TRIO: variants seen among roughly 807,000 people sequenced by gnomAD.
The protein encoded by TRIO is triple functional domain protein.
TRIO carries 58 observed loss-of-function variants against 351.9 expected under a neutral mutation model. The observed-to-expected ratio is 0.16, with a 90% CI of 0.13 to 0.21. The LOEUF is 0.21. Ranked by LOEUF, TRIO falls within the 10% of genes least tolerant of loss-of-function variation. The pLI is 1.00. For missense variants in TRIO, 3,201 were observed against 4,027.8 expected, an observed-to-expected ratio of 0.79 and a Z score of 5.56; for synonymous variants, 1,758 against 1,595.7, an observed-to-expected ratio of 1.10 and a Z score of -2.42.
intron 1 of TRIO, among the ~76,000 whole-genome samples, chr5:14,184,427 G>T (rs1489664969): frequency 6.6e-6 from 1 of 152,230 alleles, no homozygotes; most frequent in Admixed American, 6.5e-5. Flanking sequence ...AAGGCACTTG[G>T]CAATGTTATT....
chr5:14,493,450 A>G (rs977250050), intron 49 of TRIO, among the ~76,000 whole-genome samples: 7 of 152,132 alleles, frequency 4.6e-5, no homozygotes, highest in African/African-American at 1.7e-4. Context: ...TGTATTTGTT[A>G]CGGTGATATG....
chr5:14,345,537 C>A (rs1742342239), intron 11 of TRIO, among the ~76,000 whole-genome samples: 1 of 152,296 alleles, frequency 6.6e-6, no homozygotes, highest in African/African-American at 2.4e-5. Context: ...CCTTAAAATG[C>A]CCAATTGGAA....
chr5:14,413,444 A>G (rs1042178399), intron 33 of TRIO, among the ~76,000 whole-genome samples: 2 of 152,208 alleles, frequency 1.3e-5, no homozygotes, highest in African/African-American at 4.8e-5. Flanking sequence ...TGCCATCCCT[A>G]TGATAGGCAT....
intron 18 of TRIO, among the ~76,000 whole-genome samples, chr5:14,370,599 G>A (rs553502580): frequency 1.3e-5 from 2 of 152,230 alleles, no homozygotes; most frequent in East Asian, 3.9e-4. Flanking sequence ...GTTTAGTCTG[G>A]GAGGATAAAT....
intron 34 of TRIO, among the ~76,000 whole-genome samples, chr5:14,442,249 G>A (rs983640274): frequency 6.6e-6 from 1 of 152,228 alleles, no homozygotes; most frequent in Admixed American, 6.5e-5. Flanking sequence ...CGTTATCCGC[G>A]TATATGCTTC....
chr5:14,382,938 T>G (rs772353500), intron 21 of TRIO, among the ~76,000 whole-genome samples: 1 of 151,942 alleles, frequency 6.6e-6, no homozygotes, highest in Non-Finnish European at 1.5e-5. Flanking sequence ...GATCCGTATT[T>G]AGGGGTGTGT....
intron 11 of TRIO, among the ~76,000 whole-genome samples, chr5:14,342,357 C>T (rs1394928257): frequency 2.0e-5 from 3 of 152,194 alleles, no homozygotes; most frequent in African/African-American, 4.8e-5. Context: ...GAGACTGCAT[C>T]GGGCATCTGG....
chr5:14,232,115 C>T (rs1793471521), intron 1 of TRIO, among the ~76,000 whole-genome samples: 1 of 152,092 alleles, frequency 6.6e-6, no homozygotes, highest in African/African-American at 2.4e-5. Flanking sequence ...ATTTTTAATG[C>T]TGGAGACTGA....
intron 10 of TRIO, among the ~76,000 whole-genome samples, chr5:14,335,834 G>A (rs949679707): frequency 1.3e-5 from 2 of 151,934 alleles, no homozygotes; most frequent in African/African-American, 2.4e-5. Context: ...GCATGGTAGC[G>A]CATGTCTGTG....
At chr5:14,209,717 A>C (rs922552010) in intron 1 of TRIO, among the ~76,000 whole-genome samples, 1 of 152,232 alleles carries the variant, frequency 6.6e-6, no homozygotes, top group Non-Finnish European at 1.5e-5. Flanking sequence ...TGTGCAGCAC[A>C]CTTTTTTTCT....
At chr5:14,304,388 ACCATGTT>A in intron 7 of TRIO, 66 bp from the exon 8 acceptor site, 1 of 1,498,882 alleles carries the variant, frequency 6.7e-7, no homozygotes, top group South Asian at 1.3e-5. Flanking sequence ...AATTTTCAAA[ACCATGTT>A]AAAAAATGTC....
At chr5:14,248,902 C>A (rs1426667130) in intron 1 of TRIO, among the ~76,000 whole-genome samples, 3 of 152,200 alleles carry the variant, frequency 2.0e-5, no homozygotes, top group Non-Finnish European at 4.4e-5. Context: ...GGGTTTGATT[C>A]CAAGCCTGGC....
rs1756565787 is a variant in TRIO at position 14,492,551 on chromosome 5, A to G, written c.7633-16A>G. 6.2e-7 allele frequency: 1 copy of G among 1,613,268 alleles called. No individual in the cohort carries two copies. The highest frequency in any genetic ancestry group is 8.5e-7 in the Non-Finnish European group (1 of 1,179,376). On this transcript the variant is annotated splice_polypyrimidine_tract_variant and intron_variant, in intron 48 of 56. Coordinates refer to ENST00000344204, the MANE Select transcript of TRIO (RefSeq NM_007118.4). Reference sequence around the variant, plus strand: ...TTCCTCCCTGCCTTTCTCTGTCTTCATCTGTCCCTCTGCAGAGTGAAAGCA... The same window carrying G: ...TTCCTCCCTGCCTTTCTCTGTCTTCGTCTGTCCCTCTGCAGAGTGAAAGCA...
intron 1 of TRIO, among the ~76,000 whole-genome samples, chr5:14,261,995 T>C (rs919371309): frequency 3.9e-5 from 6 of 152,230 alleles, no homozygotes; most frequent in African/African-American, 1.4e-4. Flanking sequence ...CTGTCGCTAT[T>C]GCTCTGTGCC....
intron 1 of TRIO, among the ~76,000 whole-genome samples, chr5:14,263,115 ATCT>A (rs1301452110): frequency 4.6e-5 from 7 of 152,150 alleles, no homozygotes; most frequent in Non-Finnish European, 8.8e-5. Flanking sequence ...TTGATAGGAC[ATCT>A]TCTCCTATTC....
At chr5:14,230,364 G>A (rs1235509785) in intron 1 of TRIO, among the ~76,000 whole-genome samples, 1 of 151,010 alleles carries the variant, frequency 6.6e-6, no homozygotes, top group Non-Finnish European at 1.5e-5. Flanking sequence ...GTGTGTGTGT[G>A]TGTGTGTGTG....
chr5:14,158,888 A>G (rs1323476739), intron 1 of TRIO, among the ~76,000 whole-genome samples: 1 of 152,244 alleles, frequency 6.6e-6, no homozygotes, highest in African/African-American at 2.4e-5. Flanking sequence ...TGTGTGATAC[A>G]TTTCAGATTT....
chr5:14,182,604 A>G (rs955932097), intron 1 of TRIO, among the ~76,000 whole-genome samples: 6 of 152,230 alleles, frequency 3.9e-5, no homozygotes, highest in Non-Finnish European at 8.8e-5. Flanking sequence ...AGAAATTTAC[A>G]TGTAGGAGCT....
chr5:14,270,152 T>C (rs984285796), intron 1 of TRIO, among the ~76,000 whole-genome samples: 1 of 152,236 alleles, frequency 6.6e-6, no homozygotes, highest in African/African-American at 2.4e-5. Context: ...ATATTCCCAC[T>C]GGGCCTTCTA....
Sources: gnomAD v4.1 joint callset for allele counts (sites outside exome capture counted in the v4.1 genomes callset) on GRCh38, gnomAD v4.1.1 for gene constraint, MANE v1.5 for transcripts, NCBI Gene and HGNC (gene_info 2026-07-23, HGNC 2026-07-21) for gene names.